The following SPDYE12 variants were observed in gnomAD, a reference collection of about 807,000 sequenced individuals.
The protein encoded by SPDYE12 is speedy/RINGO cell cycle regulator family member E12.
At chr7:74,908,551 G>A in the SPDYE12 span, among the ~76,000 whole-genome samples, 2 of 135,776 alleles carry the variant, frequency 1.5e-5, no homozygotes, top group Non-Finnish European at 3.2e-5. Flanking sequence ...GGGAAGGAGA[G>A]AGAGAGAAGA....
chr7:74,910,812 A>G, the SPDYE12 span: 39 of 1,115,460 alleles, frequency 3.5e-5, 1 homozygote, highest in Non-Finnish European at 5.1e-5. Flanking sequence ...GAACAGGAAC[A>G]CAGTTACATA....
chr7:74,907,317 A>G, the SPDYE12 span, among the ~76,000 whole-genome samples: 1 of 151,180 alleles, frequency 6.6e-6, no homozygotes, highest in Admixed American at 6.6e-5. Flanking sequence ...ACTGGTGACC[A>G]AGAGTGGTGG....
the SPDYE12 span, chr7:74,910,795 T>C: frequency 7.7e-7 from 1 of 1,294,036 alleles, no homozygotes; most frequent in Non-Finnish European, 1.1e-6. Context: ...CCCCTGGCCG[T>C]GCGTTAGAAC....
At chr7:74,904,882 A>G in the SPDYE12 span, among the ~76,000 whole-genome samples, 7 of 149,344 alleles carry the variant, frequency 4.7e-5, no homozygotes, top group Non-Finnish European at 8.9e-5. Flanking sequence ...AAAATAAACC[A>G]ATAAAATAGA....
the SPDYE12 span, among the ~76,000 whole-genome samples, chr7:74,906,378 G>A: frequency 7.2e-5 from 5 of 69,572 alleles, 2 homozygotes; most frequent in African/African-American, 1.5e-4. Flanking sequence ...CTGGGCTGGA[G>A]TGCAGTGGCA....
At chr7:74,909,741 C>T in the SPDYE12 span, 9 of 1,186,392 alleles carry the variant, frequency 7.6e-6, no homozygotes, top group East Asian at 4.7e-5. Context: ...TGACTGTGCT[C>T]ATGTGGAAAT....
the SPDYE12 span, chr7:74,909,434 G>A: frequency 2.1e-6 from 2 of 933,952 alleles, no homozygotes; most frequent in Admixed American, 2.0e-5. Flanking sequence ...ACAAATAGGT[G>A]AAAGAATAAA....
At chr7:74,908,661 C>CTTTTTTTTT in the SPDYE12 span, among the ~76,000 whole-genome samples, 7 of 58,598 alleles carry the variant, frequency 1.2e-4, no homozygotes, top group African/African-American at 1.5e-4. Context: ...GTTTTTTGTT[C>CTTTTTTTTT]TTTTTTTTTT....
At chr7:74,909,760 G>A in the SPDYE12 span, among the ~76,000 whole-genome samples, 3 of 151,098 alleles carry the variant, frequency 2.0e-5, no homozygotes, top group Admixed American at 2.0e-4. Flanking sequence ...ATTGCGGGGT[G>A]GAGGGGTATT....
the SPDYE12 span, among the ~76,000 whole-genome samples, chr7:74,910,427 C>T: frequency 2.2e-4 from 33 of 149,658 alleles, no homozygotes; most frequent in Non-Finnish European, 4.2e-4. Flanking sequence ...ACAGTGCTGA[C>T]GTCTGTAATC....
At chr7:74,907,933 G>T in the SPDYE12 span, among the ~76,000 whole-genome samples, 1 of 149,274 alleles carries the variant, frequency 6.7e-6, no homozygotes, top group African/African-American at 2.5e-5. Context: ...AAAAAAAAAA[G>T]CAATTGAATA....
At chr7:74,910,515 CCCCGTCT>C in the SPDYE12 span, among the ~76,000 whole-genome samples, 2 of 146,370 alleles carry the variant, frequency 1.4e-5, no homozygotes, top group Non-Finnish European at 3.0e-5. Flanking sequence ...CATGGCAAAA[CCCCGTCT>C]CTACTAAAAA....
the SPDYE12 span, among the ~76,000 whole-genome samples, chr7:74,909,984 G>C: frequency 1.9e-4 from 28 of 150,960 alleles, 1 homozygote; most frequent in Non-Finnish European, 1.5e-5. Flanking sequence ...CCAGGGCTCA[G>C]ATCCCAAAGG....
At chr7:74,908,076 A>G in the SPDYE12 span, among the ~76,000 whole-genome samples, 80 of 150,058 alleles carry the variant, frequency 5.3e-4, no homozygotes, top group African/African-American at 1.9e-3. Flanking sequence ...GGCATGCAGA[A>G]GTTGGAAGAT....
At chr7:74,910,551 G>A in the SPDYE12 span, among the ~76,000 whole-genome samples, 6 of 149,120 alleles carry the variant, frequency 4.0e-5, no homozygotes, top group South Asian at 2.1e-4. Flanking sequence ...TTAGCCAGGC[G>A]TGGTGGTTCA....
the SPDYE12 span, chr7:74,910,715 A>C: frequency 2.2e-6 from 3 of 1,380,538 alleles, no homozygotes; most frequent in Admixed American, 5.3e-5. Context: ...AACAAAAACA[A>C]AAAAAAACTG....
the SPDYE12 span, among the ~76,000 whole-genome samples, chr7:74,909,808 G>A: frequency 6.7e-6 from 1 of 150,306 alleles, no homozygotes; most frequent in Non-Finnish European, 1.5e-5. Flanking sequence ...CGGAGGAAGG[G>A]TTTTCGGTGA....
chr7:74,909,778 C>T, the SPDYE12 span, among the ~76,000 whole-genome samples: 3 of 150,692 alleles, frequency 2.0e-5, no homozygotes, highest in Non-Finnish European at 4.4e-5. Context: ...ATTCGAAGGT[C>T]GGATGCAAAT....
the SPDYE12 span, chr7:74,910,796 G>A: frequency 7.0e-6 from 9 of 1,288,492 alleles, no homozygotes; most frequent in East Asian, 2.1e-4. Flanking sequence ...CCCTGGCCGT[G>A]CGTTAGAACA....
Sources: allele counts gnomAD v4.1 joint callset (sites outside exome capture counted in the v4.1 genomes callset), GRCh38; gene constraint gnomAD v4.1.1; transcripts MANE v1.5; gene names NCBI Gene and HGNC (gene_info 2026-07-23, HGNC 2026-07-21).